The following CACNA2D1 variants were observed in gnomAD, a reference collection of about 807,000 sequenced individuals.
The protein encoded by CACNA2D1 is voltage-dependent calcium channel subunit alpha-2/delta-1.
In CACNA2D1, 53 loss-of-function variants were observed where a neutral mutation model predicts 171.5. The ratio of observed to expected loss-of-function variants is 0.31; its 90% confidence interval spans 0.25 to 0.39. The LOEUF (loss-of-function observed/expected upper bound fraction) is 0.39. Among genes scored for constraint, CACNA2D1 ranks in the 10% least tolerant of loss-of-function variants. The pLI, the probability that CACNA2D1 is intolerant of heterozygous loss-of-function variation, is 1.00. For synonymous variants in CACNA2D1, 442 were observed against 443.1 expected, an observed-to-expected ratio of 1.00 and a Z score of 0.03; for missense variants, 903 against 1,299.8, an observed-to-expected ratio of 0.69 and a Z score of 4.69.
chr7:82,187,590 G>A (rs746330784), intron 3 of CACNA2D1, among the ~76,000 whole-genome samples: 30 of 152,068 alleles, frequency 2.0e-4, no homozygotes, highest in Non-Finnish European at 3.5e-4. Context: ...AGATTTCTGA[G>A]GAAACAGCTG....
chr7:82,202,711 T>C (rs1252069578), intron 3 of CACNA2D1, among the ~76,000 whole-genome samples: 1 of 151,964 alleles, frequency 6.6e-6, no homozygotes, highest in African/African-American at 2.4e-5. Flanking sequence ...GGAAAAGGTA[T>C]TAGAGGTTGC....
Position 82,435,143 on chromosome 7 carries a change from C to A in CACNA2D1, c.95+8222G>T, listed in dbSNP as rs193009082. 6.2e-5 allele frequency among the ~76,000 whole-genome samples: 9 copies of A among 146,020 alleles called. No homozygotes were observed. In the East Asian group the frequency reaches 1.7e-3, roughly 27 times the overall value. ...ATCCGCCTCCCGGGTTCAAGTGATT[C>A]CCCTGCCTCAGCCTCCTCAGCAGCT... On this transcript the variant is annotated intron_variant, in intron 1 of 38. Transcript: ENST00000356860.
intron 24 of CACNA2D1, among the ~76,000 whole-genome samples, chr7:81,979,631 C>T (rs952685873): frequency 1.3e-5 from 2 of 152,194 alleles, no homozygotes; most frequent in East Asian, 1.9e-4. Flanking sequence ...TAATATTCTG[C>T]GGGACCCTGT....
At chr7:82,216,451 T>C (rs1801106570) in intron 3 of CACNA2D1, among the ~76,000 whole-genome samples, 1 of 152,208 alleles carries the variant, frequency 6.6e-6, no homozygotes, top group Non-Finnish European at 1.5e-5. Context: ...TTTAACTTTC[T>C]CACCACACAA....
intron 38 of CACNA2D1, 102 bp downstream of exon 38, chr7:81,959,173 A>G (rs1489067174): frequency 4.9e-6 from 4 of 816,270 alleles, no homozygotes; most frequent in Non-Finnish European, 8.6e-6. Context: ...ACTATGGTTA[A>G]GACATTACGT....
chr7:81,948,058 A>G lies in CACNA2D1; in HGVS notation c.*2334T>C, dbSNP rs1446418967. 2.0e-5 allele frequency: 3 copies of G among 151,894 alleles called. No homozygotes were observed. Among genetic ancestry groups the G allele is most frequent in the African/African-American group, 7.2e-5 (3 of 41,412 alleles). 9.4% of individuals were successfully genotyped at this position (151,894 alleles called of 1,614,324 possible). A position where few individuals can be genotyped will look rare whatever the true frequency, so the allele number is the denominator to read the frequency against. ...TAATTGATGAAAACATATACTCGAC[A>G]TTAGCCATGAAAATATATTTAATAG... On this transcript the variant is annotated 3_prime_UTR_variant, in exon 39 of 39. Coordinates refer to ENST00000356860, the MANE Select transcript of CACNA2D1 (RefSeq NM_000722.4).
intron 4 of CACNA2D1, among the ~76,000 whole-genome samples, chr7:82,138,426 GTTTTGTT>G (rs1361859422): frequency 9.9e-6 from 1 of 101,314 alleles, no homozygotes. Context: ...TATAGCATTA[GTTTTGTT>G]TTTTTTGTTT....
chr7:82,275,683 A>G (rs1397030388), intron 3 of CACNA2D1, among the ~76,000 whole-genome samples: 1 of 152,154 alleles, frequency 6.6e-6, no homozygotes, highest in Non-Finnish European at 1.5e-5. Context: ...AGCTGATTAA[A>G]GGCAATACGC....
chr7:82,154,443 G>A (rs921278412), intron 4 of CACNA2D1, among the ~76,000 whole-genome samples: 5 of 152,012 alleles, frequency 3.3e-5, no homozygotes, highest in Admixed American at 3.3e-4. Flanking sequence ...ATGGACACAG[G>A]AAGGGGAACA....
chr7:82,366,064 C>A (rs1821665225), intron 1 of CACNA2D1, among the ~76,000 whole-genome samples: 1 of 152,176 alleles, frequency 6.6e-6, no homozygotes, highest in Non-Finnish European at 1.5e-5. Context: ...ATACCAAAGC[C>A]AACTCTCCTC....
intron 4 of CACNA2D1, among the ~76,000 whole-genome samples, chr7:82,160,623 C>T (rs1794847446): frequency 6.6e-6 from 1 of 151,928 alleles, no homozygotes; most frequent in South Asian, 2.1e-4. Flanking sequence ...TGTGTGCCAC[C>T]ATGCCCAGAT....
chr7:82,122,740 T>G (rs1017193040), intron 5 of CACNA2D1, among the ~76,000 whole-genome samples: 1 of 152,236 alleles, frequency 6.6e-6, no homozygotes. Context: ...GTCTGAAAGT[T>G]CAACATAGCA....
intron 3 of CACNA2D1, among the ~76,000 whole-genome samples, chr7:82,264,049 A>C (rs1807490425): frequency 6.6e-6 from 1 of 152,188 alleles, no homozygotes; most frequent in Admixed American, 6.5e-5. Context: ...AAATTGGCAG[A>C]TCTTTAAAAA....
chr7:82,216,712 G>T (rs150906816), intron 3 of CACNA2D1, among the ~76,000 whole-genome samples: 1 of 151,792 alleles, frequency 6.6e-6, no homozygotes, highest in Non-Finnish European at 1.5e-5. Flanking sequence ...AGACCAAGAC[G>T]CCTAGCAAAA....
intron 6 of CACNA2D1, among the ~76,000 whole-genome samples, chr7:82,090,726 G>T (rs1388976797): frequency 6.6e-6 from 1 of 151,932 alleles, no homozygotes; most frequent in African/African-American, 2.4e-5. Context: ...GCAAGCAAGG[G>T]TTTCAAATCT....
At chr7:82,158,752 A>G (rs1794629794) in intron 4 of CACNA2D1, among the ~76,000 whole-genome samples, 1 of 151,918 alleles carries the variant, frequency 6.6e-6, no homozygotes, top group Non-Finnish European at 1.5e-5. Flanking sequence ...CAATGGAAAA[A>G]TGACTAAATT....
At chr7:82,005,711 T>A in intron 17 of CACNA2D1, 54 bp downstream of exon 17, 3 of 1,203,664 alleles carry the variant, frequency 2.5e-6, no homozygotes, top group Middle Eastern at 1.9e-4. Context: ...CCAAGCTAAG[T>A]TAGTACAGAG....
intron 6 of CACNA2D1, among the ~76,000 whole-genome samples, chr7:82,094,300 A>G (rs1002560931): frequency 4.6e-5 from 7 of 152,214 alleles, no homozygotes; most frequent in African/African-American, 1.7e-4. Flanking sequence ...GAATCATAAT[A>G]TATAAAGGTA....
chr7:82,340,859 G>T (rs1585567886), intron 2 of CACNA2D1, among the ~76,000 whole-genome samples: 1 of 152,218 alleles, frequency 6.6e-6, no homozygotes, highest in South Asian at 2.1e-4. Flanking sequence ...ATAATGAGAA[G>T]TGGGATTAAA....
Sources: allele counts gnomAD v4.1 joint callset (sites outside exome capture counted in the v4.1 genomes callset), GRCh38; gene constraint gnomAD v4.1.1; transcripts MANE v1.5; gene names NCBI Gene and HGNC (gene_info 2026-07-23, HGNC 2026-07-21).